The following UNKL variants were observed in gnomAD, a reference collection of about 807,000 sequenced individuals.
UNKL encodes the protein unk like zinc finger.
A neutral mutation model predicts 78.0 loss-of-function variants in UNKL; 60 were observed. The ratio of observed to expected loss-of-function variants is 0.77; its 90% CI spans 0.63 to 0.95. The LOEUF (loss-of-function observed/expected upper bound fraction) is 0.95, where lower values mean the gene tolerates loss of function less well. Among genes scored for constraint, UNKL ranks in the 40% least tolerant of loss-of-function variants. The probability of loss-of-function intolerance (pLI) is 0.00; values close to 1 mark genes in which losing one functional copy is unlikely to be tolerated. For missense variants in UNKL, 1,159 were observed against 1,045.7 expected (o/e 1.11, Z -1.49); for synonymous variants, 608 against 474.8 (o/e 1.28, Z -3.65).
In UNKL at chr16:1,402,531, T is replaced by C. The variant is rs369968071; in HGVS notation, c.464+637A>G. On this transcript the variant is annotated intron_variant, in intron 3 of 14. Coordinates refer to ENST00000389221, the MANE Select transcript of UNKL (RefSeq NM_001372107.1). ...CAACAAAATAACCCAGGCATGGTGG[T>C]GTGCGCCTGTAGTCCCAGCTACTCG... 1.1e-4 allele frequency among the ~76,000 whole-genome samples: 16 copies of C among 152,064 alleles called. No homozygotes were observed. The East Asian group carries it at 1.5e-3, about 15-fold the overall frequency.
At chr16:1,366,724 G>T (rs745698448) in intron 14 of UNKL, among the ~76,000 whole-genome samples, 6 of 152,200 alleles carry the variant, frequency 3.9e-5, no homozygotes, top group Non-Finnish European at 5.9e-5. Context: ...CTATAGCAGC[G>T]AGTCCAAGAG....
chr16:1,388,511 C>G (rs961505442), intron 9 of UNKL, among the ~76,000 whole-genome samples: 2 of 152,198 alleles, frequency 1.3e-5, no homozygotes, highest in Admixed American at 6.5e-5. Context: ...CCCCCAGACC[C>G]CATGCTGACC....
Position 1,403,021 on chromosome 16 carries a change from G to T in UNKL, c.464+147C>A. The T allele has an allele frequency of 9.3e-7, 1 of 1,079,224 alleles. No individual in the cohort carries two copies. The highest frequency in any genetic ancestry group is 1.3e-6 in the Non-Finnish European group (1 of 776,558). 66.9% of individuals were successfully genotyped at this position (1,079,224 alleles called of 1,614,324 possible). A position where few individuals can be genotyped will look rare whatever the true frequency, so the allele number is the denominator to read the frequency against. On this transcript the variant is annotated intron_variant, in intron 3 of 14. Coordinates refer to ENST00000389221, the MANE Select transcript of UNKL (RefSeq NM_001372107.1). The surrounding 1 kb of genome is among the most constrained non-coding windows in gnomAD (Gnocchi z 4.8). ...AAAGCAAAAAAAGGACTAACATCCA[G>T]ACTCAGAAAGAAATTCTGGAGGAGA...
chr16:1,381,620 A>C (rs758967144), intron 10 of UNKL, among the ~76,000 whole-genome samples: 4 of 152,134 alleles, frequency 2.6e-5, no homozygotes, highest in Non-Finnish European at 5.9e-5. Context: ...AAAAAAAAAG[A>C]ACCTGCTCAG....
At chr16:1,367,378 C>T (rs111393375) in intron 13 of UNKL, 29 bp from the exon 14 acceptor site, 21 of 1,519,016 alleles carry the variant, frequency 1.4e-5, no homozygotes, top group Middle Eastern at 4.0e-4. Flanking sequence ...CTCAGCACCC[C>T]CCACCTCACC....
chr16:1,364,856 G>A lies in UNKL; in HGVS notation c.*1384C>T, dbSNP rs745466789. 6.6e-6 allele frequency: 1 copy of A among 152,310 alleles called. No homozygotes were observed. Among genetic ancestry groups the A allele is most frequent in the Non-Finnish European group, 1.5e-5 (1 of 68,108 alleles). 9.4% of individuals were successfully genotyped at this position (152,310 alleles called of 1,614,324 possible). A position where few individuals can be genotyped will look rare whatever the true frequency, so the allele number is the denominator to read the frequency against. ...GCCCGAGCATCTCCCACACGAGCAG[G>A]ACCAGGGTGGTCACGGGTGCTGGGG... On this transcript the variant is annotated 3_prime_UTR_variant, in exon 15 of 15. Transcript: ENST00000389221.
intron 9 of UNKL, 120 bp from the exon 10 acceptor site, chr16:1,385,505 C>G: frequency 1.9e-6 from 2 of 1,070,790 alleles, no homozygotes; most frequent in Non-Finnish European, 2.4e-6. Context: ...TGGCGAGGCC[C>G]AGGGAGAGCT....
intron 10 of UNKL, chr16:1,379,310 CCCGCT>C (rs1370422496): frequency 7.0e-5 from 18 of 256,500 alleles, no homozygotes; most frequent in Admixed American, 1.3e-4. Context: ...CCTCTCCTGC[CCCGCT>C]CCGCTCCGCT....
At chr16:1,397,511 T>TC (rs1388294946) in intron 5 of UNKL, among the ~76,000 whole-genome samples, 2 of 62,662 alleles carry the variant, frequency 3.2e-5, no homozygotes, top group African/African-American at 1.3e-4. Context: ...AGGACTTGGC[T>TC]CCCCCACCCC....
chr16:1,363,305 G>C lies in UNKL; in HGVS notation c.*2935C>G. 1 of 579,632 alleles carries C rather than the reference G, an allele frequency of 1.7e-6. No homozygotes were observed. The highest frequency in any genetic ancestry group is 3.1e-6 in the Non-Finnish European group (1 of 323,864). The allele number at this position is 579,632 out of a possible 1,614,324, so 35.9% of individuals were successfully genotyped here. ...CTATAGTGTAAAAAAATTTAAACAA[G>C]TGTTAACTTTAAACAGTTCGCTACA... On this transcript the variant is annotated 3_prime_UTR_variant, in exon 15 of 15. Coordinates refer to ENST00000389221, the MANE Select transcript of UNKL (RefSeq NM_001372107.1).
chr16:1,391,166 C>T (rs1257541435), intron 8 of UNKL, among the ~76,000 whole-genome samples: 2 of 28,120 alleles, frequency 7.1e-5, no homozygotes, highest in Non-Finnish European at 1.5e-4. Flanking sequence ...AAAATACACA[C>T]ACACACACAC....
chr16:1,375,461 G>A (rs554596491), intron 10 of UNKL, among the ~76,000 whole-genome samples: 2 of 152,232 alleles, frequency 1.3e-5, no homozygotes, highest in East Asian at 1.9e-4. Flanking sequence ...TGGAGGCCGG[G>A]CTGTGGCGCC....
intron 2 of UNKL, 59 bp downstream of exon 2, chr16:1,413,787 C>T: frequency 1.4e-6 from 2 of 1,462,176 alleles, no homozygotes; most frequent in Non-Finnish European, 1.8e-6. Context: ...CCGGCCGCAT[C>T]CCCGGGTGGA....
intron 10 of UNKL, chr16:1,383,817 A>T: frequency 2.3e-6 from 1 of 443,938 alleles, no homozygotes; most frequent in South Asian, 1.6e-5. Context: ...CAGGGACTGC[A>T]GCGAGGGCCC....
intron 2 of UNKL, 46 bp downstream of exon 2, chr16:1,413,799 GC>G (rs771915160): frequency 9.5e-6 from 14 of 1,476,194 alleles, no homozygotes; most frequent in South Asian, 9.4e-5. Flanking sequence ...CCGGGTGGAG[GC>G]CCCCCACCTC....
Position 1,399,067 on chromosome 16 carries a change from C to A in UNKL, c.734+307G>T. The A allele has an allele frequency of 1.5e-6, 2 of 1,370,730 alleles. No individual in the cohort carries two copies. Among genetic ancestry groups the A allele is most frequent in the African/African-American group, 1.5e-5 (1 of 68,494 alleles). The allele number at this position is 1,370,730 out of a possible 1,614,324, so 84.9% of individuals were successfully genotyped here. A position where few individuals can be genotyped will look rare whatever the true frequency, so the allele number is the denominator to read the frequency against. On this transcript the variant is annotated intron_variant, in intron 5 of 14. Coordinates refer to ENST00000389221, the MANE Select transcript of UNKL (RefSeq NM_001372107.1). This position sits in a 1 kb window ranked among gnomAD's most constrained non-coding sequence, Gnocchi z 5.8. ...CAACCAGAGGCACGGGTGGGGCACA[C>A]GGGGGTCCCAGCTGGGCTTGGGGTC...
intron 9 of UNKL, among the ~76,000 whole-genome samples, chr16:1,386,603 C>T (rs549072468): frequency 2.0e-5 from 3 of 152,282 alleles, no homozygotes; most frequent in African/African-American, 7.2e-5. Flanking sequence ...GGTATGATAT[C>T]TGGGTTTTGC....
rs935046674 is a variant in UNKL, at chr16:1,403,638, A to C, written c.288-294T>G. ...AAACACAGCAGGAAACACAATGCTG[A>C]ATTTCCACAAAGCTCATCCTTCCTA... On this transcript the variant is annotated intron_variant, in intron 2 of 14. Transcript: ENST00000389221. The surrounding 1 kb of genome is among the most constrained non-coding windows in gnomAD (Gnocchi z 4.8). Among the ~76,000 whole-genome samples the C allele has an allele frequency of 5.9e-5, 9 of 152,220 alleles. No individual in the cohort carries two copies. Among genetic ancestry groups the C allele is most frequent in the Admixed American group, 2.6e-4 (4 of 15,270 alleles).
intron 12 of UNKL, 78 bp from the exon 13 acceptor site, chr16:1,367,936 G>C: frequency 3.0e-6 from 4 of 1,340,354 alleles, no homozygotes; most frequent in Non-Finnish European, 4.1e-6. Context: ...CTATGCCCCA[G>C]GCCCCACCGC....
Sources: gnomAD v4.1 joint callset for allele counts (sites outside exome capture counted in the v4.1 genomes callset) on GRCh38, gnomAD v4.1.1 for gene constraint, Gnocchi (gnomAD v3.1) non-coding constraint, MANE v1.5 for transcripts, NCBI Gene and HGNC (gene_info 2026-07-23, HGNC 2026-07-21) for gene names.